RUNX1T1: variants seen among roughly 807,000 people sequenced by gnomAD.
RUNX1T1 encodes the protein protein CBFA2T1.
In RUNX1T1, 4 loss-of-function variants were observed where a neutral mutation model predicts 62.8. The ratio of observed to expected loss-of-function variants is 0.06; its 90% CI spans 0.03 to 0.15. The LOEUF is 0.15. Ranked by LOEUF, RUNX1T1 falls within the 10% of genes least tolerant of loss-of-function variation. The probability of loss-of-function intolerance (pLI) is 1.00; values close to 1 mark genes in which losing one functional copy is unlikely to be tolerated. For synonymous variants in RUNX1T1, 291 were observed against 286.0 expected, an observed-to-expected ratio of 1.02 and a Z score of -0.18; for missense variants, 508 against 754.3, an observed-to-expected ratio of 0.67 and a Z score of 3.82.
Position 91,986,074 on chromosome 8 carries a change from A to G in RUNX1T1, c.1198+50T>C, listed in dbSNP as rs13268378. 4 of 1,233,928 alleles carry G rather than the reference A, an allele frequency of 3.2e-6. No individual in the cohort carries two copies. The African/African-American group carries it at 5.9e-5, about 18-fold the overall frequency. 76.4% of individuals were successfully genotyped at this position (1,233,928 alleles called of 1,614,324 possible). ...AAAAATAAAAATGAAGTCAGCATTA[A>G]CAGCATAAGAAATATGTGTTTTCGA... On this transcript the variant is annotated intron_variant, in intron 8 of 10. Transcript: ENST00000396218.
chr8:91,982,777 T>C (rs957591367), intron 8 of RUNX1T1, among the ~76,000 whole-genome samples: 1 of 152,174 alleles, frequency 6.6e-6, no homozygotes, highest in African/African-American at 2.4e-5. Flanking sequence ...AAATCTATTT[T>C]ATGAAAAGTC....
intron 1 of RUNX1T1, among the ~76,000 whole-genome samples, chr8:92,076,817 T>C (rs1834497615): frequency 6.6e-6 from 1 of 152,124 alleles, no homozygotes. Flanking sequence ...TAGAATTTGT[T>C]CATTCACAAT....
At chr8:92,103,039 C>T (rs1041957777), upstream of RUNX1T1, 16 of 671,652 alleles carry the variant, frequency 2.4e-5, no homozygotes, top group Non-Finnish European at 3.4e-5. Flanking sequence ...GGAGTCGCGC[C>T]GCGGAGCGAC....
At chr8:92,059,917 C>T (rs1408233256) in intron 1 of RUNX1T1, among the ~76,000 whole-genome samples, 1 of 152,128 alleles carries the variant, frequency 6.6e-6, no homozygotes. Flanking sequence ...TACTAGCCAT[C>T]TTCTAAAAGA....
chr8:92,067,354 T>G (rs868691736), upstream of RUNX1T1, among the ~76,000 whole-genome samples: 2 of 152,142 alleles, frequency 1.3e-5, no homozygotes, highest in Non-Finnish European at 2.9e-5. Flanking sequence ...CCAGGGCAAG[T>G]GGCAGGCTGA....
intron 1 of RUNX1T1, among the ~76,000 whole-genome samples, chr8:92,049,649 G>C (rs892194895): frequency 6.6e-6 from 1 of 152,132 alleles, no homozygotes; most frequent in Non-Finnish European, 1.5e-5. Context: ...CTGAGGAGGG[G>C]AAGAACCTCT....
chr8:92,082,633 G>GA (rs1226920606), intron 1 of RUNX1T1, among the ~76,000 whole-genome samples: 1 of 152,156 alleles, frequency 6.6e-6, no homozygotes, highest in Non-Finnish European at 1.5e-5. Context: ...GTTTCCTGAA[G>GA]AAAAAACAGT....
At chr8:92,054,457 C>T (rs1830713203) in intron 1 of RUNX1T1, among the ~76,000 whole-genome samples, 1 of 152,118 alleles carries the variant, frequency 6.6e-6, no homozygotes, top group Admixed American at 6.5e-5. Flanking sequence ...GTTTAATAAC[C>T]TCTTTATACA....
chr8:92,095,856 G>A (rs1176686327), intron 1 of RUNX1T1, among the ~76,000 whole-genome samples: 1 of 152,212 alleles, frequency 6.6e-6, no homozygotes, highest in Non-Finnish European at 1.5e-5. Context: ...CCCTGCTCCA[G>A]GGCTAGGCTG....
chr8:92,032,216 T>C lies in RUNX1T1; in HGVS notation c.8-14853A>G, dbSNP rs1321168238. ...AAAAAAAATAGAAAAAATACTAAGT[T>C]CAGAAATGGATATACCTTTAAGAAT... is the stretch of plus-strand genomic sequence containing the variant. On this transcript the variant is annotated intron_variant, in intron 1 of 10. Coordinates refer to ENST00000396218, the Ensembl canonical transcript of RUNX1T1. Among the ~76,000 whole-genome samples, 4 of 151,674 alleles carry C rather than the reference T, an allele frequency of 2.6e-5. No homozygotes were observed. The South Asian group carries it at 6.2e-4, about 24-fold the overall frequency.
At chr8:92,084,417 G>T (rs762190839) in intron 1 of RUNX1T1, among the ~76,000 whole-genome samples, 2 of 151,958 alleles carry the variant, frequency 1.3e-5, no homozygotes, top group Non-Finnish European at 2.9e-5. Context: ...CAATGAAAGC[G>T]ACCAAGGTGG....
At chr8:91,986,936 T>C in exon 7 of RUNX1T1, 1 of 1,612,918 alleles carries the variant, frequency 6.2e-7, no homozygotes, top group Non-Finnish European at 8.5e-7. Context: ...TGTTAGTCTG[T>C]GATCAATCAT....
intron 5 of RUNX1T1, among the ~76,000 whole-genome samples, chr8:91,992,375 G>C (rs916910293): frequency 4.6e-5 from 7 of 152,184 alleles, no homozygotes; most frequent in African/African-American, 1.7e-4. Flanking sequence ...CAATACAGTA[G>C]CTACATGTGG....
chr8:91,972,940 T>G (rs1013823733), intron 9 of RUNX1T1, among the ~76,000 whole-genome samples: 1 of 152,070 alleles, frequency 6.6e-6, no homozygotes, highest in Non-Finnish European at 1.5e-5. Context: ...AACTTTTGAG[T>G]GCATTTGTTA....
In RUNX1T1 at chr8:91,960,152, A is replaced by G. The variant is rs574074352; in HGVS notation, c.*90T>C. 269 of 1,369,564 alleles carry G rather than the reference A, an allele frequency of 2.0e-4. 2 individuals are homozygous for G. In the East Asian group the frequency reaches 5.4e-3, roughly 27 times the overall value. The allele number at this position is 1,369,564 out of a possible 1,614,324, so 84.8% of individuals were successfully genotyped here. A position where few individuals can be genotyped will look rare whatever the true frequency, so the allele number is the denominator to read the frequency against. The stretch of plus-strand genomic sequence containing the variant: ...GGATAATTCATCTAATAAACAAACA[A>G]ACAAAAAAAACAACTTTGAGCATCT... On this transcript the variant is annotated 3_prime_UTR_variant, in exon 11 of 11. Coordinates refer to ENST00000396218, the Ensembl canonical transcript of RUNX1T1.
chr8:91,967,252 T>C (rs960284725), intron 10 of RUNX1T1, among the ~76,000 whole-genome samples: 2 of 152,164 alleles, frequency 1.3e-5, no homozygotes, highest in Non-Finnish European at 1.5e-5. Context: ...CTCCGATAAC[T>C]TGGCTGACTG....
chr8:91,985,705 T>A (rs1421896538), intron 8 of RUNX1T1, among the ~76,000 whole-genome samples: 1 of 152,154 alleles, frequency 6.6e-6, no homozygotes, highest in African/African-American at 2.4e-5. Flanking sequence ...AATTAATAAT[T>A]TGAAACATAC....
At chr8:92,088,454 A>G (rs949530071) in intron 1 of RUNX1T1, among the ~76,000 whole-genome samples, 1 of 152,232 alleles carries the variant, frequency 6.6e-6, no homozygotes, top group Admixed American at 6.5e-5. Context: ...CGCAGCTTGT[A>G]CCATGCTTAT....
intron 8 of RUNX1T1, among the ~76,000 whole-genome samples, chr8:91,983,694 A>C (rs1450314124): frequency 2.0e-5 from 3 of 152,234 alleles, no homozygotes; most frequent in African/African-American, 7.2e-5. Flanking sequence ...TAGATTTATC[A>C]GCCAATAATC....
Sources: gnomAD v4.1 joint callset for allele counts (sites outside exome capture counted in the v4.1 genomes callset) on GRCh38, gnomAD v4.1.1 for gene constraint, MANE v1.5 for transcripts, NCBI Gene and HGNC (gene_info 2026-07-23, HGNC 2026-07-21) for gene names.